GPR107: variants seen among roughly 807,000 people sequenced by gnomAD.
GPR107 encodes the protein protein GPR107.
In GPR107, 31 loss-of-function variants were observed where a neutral mutation model predicts 75.5. That is an observed-to-expected ratio of 0.41 (90% CI 0.31 to 0.55). GPR107 has a LOEUF of 0.55. Among genes scored for constraint, GPR107 ranks in the 20% least tolerant of loss-of-function variants. The pLI, the probability that GPR107 is intolerant of heterozygous loss-of-function variation, is 0.26. For missense variants in GPR107, 572 were observed against 665.7 expected, an observed-to-expected ratio of 0.86 and a Z score of 1.55; for synonymous variants, 267 against 251.3, an observed-to-expected ratio of 1.06 and a Z score of -0.59.
At position 130,140,060 on chromosome 9, in the gene GPR107, G is replaced by A. The variant is rs1832061871; in HGVS notation, c.*4939G>A. Reference sequence around the variant, plus strand: ...CTAATGATCATTGAAGAGTATTTATGTAAACATACAACGTATAATGGGTGG... The same window carrying A: ...CTAATGATCATTGAAGAGTATTTATATAAACATACAACGTATAATGGGTGG... On this transcript the variant is annotated 3_prime_UTR_variant, in exon 18 of 18. Coordinates refer to ENST00000347136, the MANE Select transcript of GPR107 (RefSeq NM_020960.5). This position sits in a 1 kb window ranked among gnomAD's most constrained non-coding sequence, Gnocchi z 4.0. The A allele has an allele frequency of 6.6e-6, 1 of 152,074 alleles. No individual in the cohort carries two copies. Among genetic ancestry groups the A allele is most frequent in the East Asian group, 1.9e-4 (1 of 5,196 alleles). The allele number at this position is 152,074 out of a possible 1,614,324, so 9.4% of individuals were successfully genotyped here.
At chr9:130,093,581 T>C (rs976250651) in intron 9 of GPR107, among the ~76,000 whole-genome samples, 9 of 152,278 alleles carry the variant, frequency 5.9e-5, no homozygotes, top group Non-Finnish European at 1.3e-4. Context: ...GGTACCTATT[T>C]GTTGTGATAT....
At chr9:130,114,294 G>A (rs550417916) in intron 14 of GPR107, among the ~76,000 whole-genome samples, 2 of 152,048 alleles carry the variant, frequency 1.3e-5, no homozygotes, top group African/African-American at 2.4e-5. Flanking sequence ...GCTTGAACCC[G>A]GGAGGCGGAG....
intron 9 of GPR107, among the ~76,000 whole-genome samples, chr9:130,096,524 A>G (rs1279236450): frequency 7.3e-6 from 1 of 137,476 alleles, no homozygotes; most frequent in East Asian, 2.2e-4. Context: ...GCTGGAGTGC[A>G]GTGGTGCAAT....
chr9:130,071,035 C>CTTTTTTTTTTTTTTTTTTTTTTT (rs56799662), intron 1 of GPR107, among the ~76,000 whole-genome samples: 1 of 98,178 alleles, frequency 1.0e-5, no homozygotes, highest in East Asian at 2.9e-4. Flanking sequence ...TTTTTTTTTT[C>CTTTTTTTTTTTTTTTTTTTTTTT]TTTTTTTTTT....
At chr9:130,088,483 T>A (rs558340546) in intron 7 of GPR107, among the ~76,000 whole-genome samples, 42 of 152,360 alleles carry the variant, frequency 2.8e-4, no homozygotes, top group African/African-American at 8.7e-4. Flanking sequence ...TGTCTCCCCC[T>A]CTACAGAAGA....
intron 12 of GPR107, among the ~76,000 whole-genome samples, 171 bp downstream of exon 12, chr9:130,101,394 G>A (rs1308959371): frequency 6.6e-6 from 1 of 152,218 alleles, no homozygotes; most frequent in Non-Finnish European, 1.5e-5. Context: ...TCAGGTCATT[G>A]CACTGGGAGA....
At chr9:130,105,278 A>C (rs1589516045) in intron 13 of GPR107, among the ~76,000 whole-genome samples, 1 of 148,918 alleles carries the variant, frequency 6.7e-6, no homozygotes, top group South Asian at 2.1e-4. Context: ...CCCGAGATGG[A>C]GTTTCGCTCT....
At chr9:130,066,535 C>G (rs1830072732) in intron 1 of GPR107, among the ~76,000 whole-genome samples, 1 of 152,050 alleles carries the variant, frequency 6.6e-6, no homozygotes, top group Non-Finnish European at 1.5e-5. Context: ...TTAATGTTTG[C>G]TGCAACTGGG....
intron 9 of GPR107, among the ~76,000 whole-genome samples, chr9:130,096,088 A>G (rs1253924169): frequency 6.6e-6 from 1 of 152,092 alleles, no homozygotes; most frequent in Non-Finnish European, 1.5e-5. Flanking sequence ...GAGGTCAGTG[A>G]GTATTCTTTC....
chr9:130,084,902 G>T (rs778385085), intron 6 of GPR107, among the ~76,000 whole-genome samples: 1 of 152,166 alleles, frequency 6.6e-6, no homozygotes, highest in Admixed American at 6.6e-5. Context: ...AGCTGTCGCC[G>T]GGGCTGAGTC....
At chr9:130,114,939 G>C (rs987894892) in intron 14 of GPR107, among the ~76,000 whole-genome samples, 2 of 152,160 alleles carry the variant, frequency 1.3e-5, no homozygotes, top group African/African-American at 4.8e-5. Context: ...GGTTGTTTAA[G>C]ATGTCTGTTA....
chr9:130,122,395 C>T (rs1227319390), intron 14 of GPR107, among the ~76,000 whole-genome samples: 1 of 152,122 alleles, frequency 6.6e-6, no homozygotes, highest in African/African-American at 2.4e-5. Flanking sequence ...GGTTTGCATC[C>T]AGAGAGGAAC....
At chr9:130,058,749 G>A (rs1268820115) in intron 1 of GPR107, among the ~76,000 whole-genome samples, 2 of 152,222 alleles carry the variant, frequency 1.3e-5, no homozygotes, top group Non-Finnish European at 2.9e-5. Flanking sequence ...ACAGGTGTGA[G>A]CCACTGCGCC....
chr9:130,126,821 G>A (rs758848), intron 15 of GPR107, among the ~76,000 whole-genome samples: 148,170 of 152,234 alleles, frequency 0.97, 72,140 homozygotes, highest in East Asian at 1. Context: ...TGGATTTTAT[G>A]TCATCCACCA....
chr9:130,079,743 C>T lies in GPR107; in HGVS notation c.500C>T (p.Ala167Val), dbSNP rs776982703. The T allele has an allele frequency of 1.5e-5, 24 of 1,611,958 alleles. No individual in the cohort carries two copies. The South Asian group carries it at 2.5e-4, about 17-fold the overall frequency. ...GAGCCTAATGTTAACCCTGCTTCAG[C>T]AGGCAACCAGACCCAGAAGACACAA... ...SQEPNVNPAS[A>V]GNQTQKTQDG... The change falls in exon 5 of 18, where the codon GCA becomes GTA. Residue 167 changes from alanine (A) to valine (V), a missense_variant. Coordinates refer to ENST00000347136, the MANE Select transcript of GPR107 (RefSeq NM_020960.5).
rs1157584679 is a variant in GPR107 at position 130,079,536 on chromosome 9, A to ATGTT, written c.387-94_387-93insTGTT. ...ATCTACATTGTAGAACATGATAAGG[A>ATGTT]CTGCATGAGCTTGGCACAGGGCCTA... is the stretch of plus-strand genomic sequence containing the variant. On this transcript the variant is annotated intron_variant, in intron 4 of 17. Transcript: ENST00000347136. The ATGTT allele has an allele frequency of 1.9e-5, 17 of 899,890 alleles. 1 individual carries two copies. The highest frequency in any genetic ancestry group is 8.3e-5 in the African/African-American group (5 of 60,084). The allele number at this position is 899,890 out of a possible 1,614,324, so 55.7% of individuals were successfully genotyped here. A position where few individuals can be genotyped will look rare whatever the true frequency, so the allele number is the denominator to read the frequency against.
intron 13 of GPR107, 81 bp from the exon 14 acceptor site, chr9:130,107,415 G>A (rs1039140495): frequency 3.6e-6 from 3 of 833,520 alleles, no homozygotes; most frequent in Non-Finnish European, 6.4e-6. Context: ...GAGAAATTCA[G>A]CCTCAAGTTA....
At position 130,053,907 on chromosome 9, in the gene GPR107, A is replaced by C. The variant is rs550198922; in HGVS notation, c.-26A>C. ...TCACCCCGGACGTGGGCGGGAGAGGAAGCGGCTGGTGATGCTGGAACAAAC... is the reference window on the plus strand; with the variant it reads ...TCACCCCGGACGTGGGCGGGAGAGGCAGCGGCTGGTGATGCTGGAACAAAC... On this transcript the variant is annotated 5_prime_UTR_variant, in exon 1 of 18. Coordinates refer to ENST00000347136, the MANE Select transcript of GPR107 (RefSeq NM_020960.5). 99 of 1,552,976 alleles carry C rather than the reference A, an allele frequency of 6.4e-5. No homozygotes were observed. The African/African-American group carries it at 1.3e-3, about 21-fold the overall frequency.
intron 17 of GPR107, among the ~76,000 whole-genome samples, chr9:130,132,534 C>A (rs1554899263): frequency 6.6e-6 from 1 of 152,212 alleles, no homozygotes; most frequent in Admixed American, 6.5e-5. Context: ...CGCCTGTAAT[C>A]CCAGCACTTT....
Sources: gnomAD v4.1 joint callset for allele counts (sites outside exome capture counted in the v4.1 genomes callset) on GRCh38, gnomAD v4.1.1 for gene constraint, Gnocchi (gnomAD v3.1) non-coding constraint, MANE v1.5 for transcripts, NCBI Gene and HGNC (gene_info 2026-07-23, HGNC 2026-07-21) for gene names.